The following MCPH1 variants were observed in gnomAD, a reference collection of about 807,000 sequenced individuals.
MCPH1 encodes the protein microcephalin.
MCPH1 carries 104 observed loss-of-function variants against 84.5 expected under a neutral mutation model. The ratio of observed to expected loss-of-function variants is 1.23; its 90% CI spans 1.05 to 1.45. MCPH1 has a LOEUF of 1.45. MCPH1 is among the 40% of genes most tolerant of loss of function. The pLI is 0.00. For synonymous variants in MCPH1, 514 were observed against 366.8 expected (o/e 1.40, Z -4.58); for missense variants, 1,498 against 1,005.7 (o/e 1.49, Z -6.62).
intron 10 of MCPH1, among the ~76,000 whole-genome samples, chr8:6,477,835 T>C (rs1033641830): frequency 6.6e-6 from 1 of 152,242 alleles, no homozygotes; most frequent in Admixed American, 6.5e-5. Flanking sequence ...TGGGGTTGTT[T>C]AGGCAGCATT....
At chr8:6,446,555 A>T in intron 8 of MCPH1, 1 of 982,876 alleles carries the variant, frequency 1.0e-6, no homozygotes, top group Non-Finnish European at 1.2e-6. Context: ...ATTAAATTTG[A>T]CAAGAAACTG....
intron 12 of MCPH1, chr8:6,620,965 T>G: frequency 5.2e-6 from 1 of 193,748 alleles, no homozygotes. Flanking sequence ...GTCCAGACCA[T>G]GGTATTGGAT....
chr8:6,530,508 C>T (rs1385958356), intron 12 of MCPH1, among the ~76,000 whole-genome samples: 1 of 98,050 alleles, frequency 1.0e-5, no homozygotes, highest in South Asian at 3.6e-4. Context: ...GACTCTGTCT[C>T]AAAAAAAAAA....
chr8:6,446,160 T>G, intron 8 of MCPH1: 1 of 881,054 alleles, frequency 1.1e-6, no homozygotes, highest in Non-Finnish European at 1.4e-6. Flanking sequence ...AAAGGTTTAC[T>G]CCTATTCATA....
chr8:6,499,635 C>G, intron 11 of MCPH1: 1 of 501,288 alleles, frequency 2.0e-6, no homozygotes, highest in East Asian at 3.4e-5. Context: ...ACTCAGATTT[C>G]TTGTTATCGT....
At chr8:6,515,982 A>T (rs1816195504) in intron 12 of MCPH1, among the ~76,000 whole-genome samples, 1 of 152,164 alleles carries the variant, frequency 6.6e-6, no homozygotes, top group Admixed American at 6.5e-5. Flanking sequence ...TGCCAGTGCA[A>T]CCAGAGAACT....
chr8:6,480,074 G>C (rs1473601152), intron 10 of MCPH1, among the ~76,000 whole-genome samples: 1 of 152,018 alleles, frequency 6.6e-6, no homozygotes, highest in Admixed American at 6.6e-5. Context: ...CCAGTGGGAA[G>C]AGTGTTGGTC....
chr8:6,406,859 CAA>C (rs1797775312), intron 1 of MCPH1, among the ~76,000 whole-genome samples, 170 bp downstream of exon 1: 1 of 8,912 alleles, frequency 1.1e-4, no homozygotes, highest in Non-Finnish European at 4.8e-4. Flanking sequence ...CCTGTCCCAC[CAA>C]AACCCCCTGC....
rs369738631 is a variant in MCPH1, at chr8:6,480,775, G to T, written c.2035G>T (p.Val679Phe). Residue 679 changes from valine (V) to phenylalanine (F), a missense_variant, in exon 11 of 14, where the codon GTC becomes TTC. Physicochemically the swap from Val to Phe is conservative, Grantham distance 50. Coordinates refer to ENST00000344683, the MANE Select transcript of MCPH1 (RefSeq NM_024596.5). Reference protein sequence around the residue: ...KLKGFSIAPDVCETTTHVLSG... With the variant: ...KLKGFSIAPDFCETTTHVLSG... ...GAAAGGCTTTTCAATTGCACCAGAC[G>T]TCTGTGAGACCACGACTCACGTGCT... The T allele has an allele frequency of 1.4e-5, 22 of 1,614,166 alleles. No individual in the cohort carries two copies. Among genetic ancestry groups the T allele is most frequent in the Non-Finnish European group, 1.9e-5 (22 of 1,180,022 alleles).
chr8:6,508,913 G>T (rs1158524191), intron 12 of MCPH1: 1 of 1,613,918 alleles, frequency 6.2e-7, no homozygotes, highest in East Asian at 2.2e-5. Context: ...CAAATAGGAA[G>T]ACAGAAAGTC....
intron 12 of MCPH1, among the ~76,000 whole-genome samples, chr8:6,612,273 C>G (rs568489196): frequency 1.3e-5 from 2 of 151,842 alleles, no homozygotes; most frequent in South Asian, 4.2e-4. Flanking sequence ...ACTAGCTGCC[C>G]CATCACATTC....
chr8:6,531,573 T>C (rs571197649), intron 12 of MCPH1, among the ~76,000 whole-genome samples: 1 of 152,324 alleles, frequency 6.6e-6, no homozygotes, highest in East Asian at 1.9e-4. Flanking sequence ...ATTACAGGCG[T>C]GAGCTACTGC....
At chr8:6,471,540 G>T (rs560769453) in intron 9 of MCPH1, among the ~76,000 whole-genome samples, 2 of 152,118 alleles carry the variant, frequency 1.3e-5, no homozygotes, top group Non-Finnish European at 2.9e-5. Context: ...GAAGAGAAAG[G>T]GTTCCTTATG....
intron 9 of MCPH1, among the ~76,000 whole-genome samples, chr8:6,470,386 C>T (rs1262833786): frequency 6.6e-6 from 1 of 152,086 alleles, no homozygotes; most frequent in African/African-American, 2.4e-5. Flanking sequence ...CGGGTTCAAG[C>T]GATTCTCCTA....
chr8:6,528,645 T>C (rs1818845216), intron 12 of MCPH1, among the ~76,000 whole-genome samples: 2 of 152,238 alleles, frequency 1.3e-5, no homozygotes, highest in Non-Finnish European at 2.9e-5. Context: ...TCCCGCGGAT[T>C]CTCTAGCGCC....
rs763060365 is a variant in MCPH1 at position 6,448,945 on chromosome 8, AT to A, written c.1825+3407del. Among the ~76,000 whole-genome samples, 192 of 151,380 alleles carry A rather than the reference AT, an allele frequency of 1.3e-3. 3 individuals carry two copies. The East Asian group carries it at 0.03, about 24-fold the overall frequency. On this transcript the variant is annotated intron_variant, in intron 8 of 13. Coordinates refer to ENST00000344683, the MANE Select transcript of MCPH1 (RefSeq NM_024596.5). ...AAAATTTTTATTGACACTGGAATACATTTTTTTTTGTAATACAGGTCTATTA... is the reference window on the plus strand; with the variant it reads ...AAAATTTTTATTGACACTGGAATACATTTTTTTTGTAATACAGGTCTATTA...
chr8:6,624,958 C>A (rs778121997), intron 13 of MCPH1: 206 of 708,162 alleles, frequency 2.9e-4, no homozygotes, highest in Non-Finnish European at 3.5e-4. Context: ...TCACTGCAAC[C>A]TTCACCTCCT....
chr8:6,470,285 T>A (rs117960880), intron 9 of MCPH1, among the ~76,000 whole-genome samples: 1,750 of 152,270 alleles, frequency 0.011, 17 homozygotes, highest in Middle Eastern at 0.024. Context: ...GGGTTTTTTT[T>A]ATTTTTTTAT....
intron 12 of MCPH1, among the ~76,000 whole-genome samples, chr8:6,584,374 G>T (rs1042768627): frequency 6.6e-6 from 1 of 152,080 alleles, no homozygotes; most frequent in Non-Finnish European, 1.5e-5. Context: ...AACAGTAGTC[G>T]CCCCCAAAAC....
Sources: allele counts gnomAD v4.1 joint callset (sites outside exome capture counted in the v4.1 genomes callset), GRCh38; gene constraint gnomAD v4.1.1; transcripts MANE v1.5; gene names NCBI Gene and HGNC (gene_info 2026-07-23, HGNC 2026-07-21).